SYT3: variants seen among roughly 807,000 people sequenced by gnomAD.
SYT3 encodes synaptotagmin-3.
In SYT3, 25 loss-of-function variants were observed where a neutral mutation model predicts 50.6. The observed-to-expected ratio is 0.49, with a 90% CI of 0.36 to 0.69. The LOEUF is 0.69. SYT3 is among the 30% of genes least tolerant of loss of function. SYT3 has a pLI of 0.00. For synonymous variants in SYT3, 323 were observed against 353.9 expected (o/e 0.91, Z 0.98); for missense variants, 589 against 793.6 (o/e 0.74, Z 3.10).
Position 50,629,372 on chromosome 19 carries a change from C to G in SYT3, c.1203G>C (p.Val401=), listed in dbSNP as rs757561373. ...CCAGCTCCAGGAGGTTGTCCAGCAC[C>G]ACCTGGCCGATGAGGTCGTGCCGCG... ...RFSRHDLIGQ[V]VLDNLLELAE... Residue 401 remains valine (V), a synonymous_variant, in exon 6 of 11, where the codon GTG becomes GTC. Coordinates refer to ENST00000600079, the MANE Select transcript of SYT3 (RefSeq NM_001160329.2). 6.2e-7 allele frequency: 1 copy of G among 1,613,880 alleles called. No homozygotes were observed. The highest frequency in any genetic ancestry group is 8.5e-7 in the Non-Finnish European group (1 of 1,179,894).
At chr19:50,644,508 T>C (rs749248419), upstream of SYT3, among the ~76,000 whole-genome samples, 23 of 151,060 alleles carry the variant, frequency 1.5e-4, no homozygotes, top group Non-Finnish European at 2.7e-4. Flanking sequence ...TGGATGGATG[T>C]TGGAGGAATA....
upstream of SYT3, among the ~76,000 whole-genome samples, chr19:50,643,269 G>A (rs183629462): frequency 6.6e-6 from 1 of 152,116 alleles, no homozygotes; most frequent in Non-Finnish European, 1.5e-5. Flanking sequence ...TGCTTGGGGG[G>A]AGGCTGAGGT....
the SYT3 span, among the ~76,000 whole-genome samples, chr19:50,654,940 G>C: frequency 6.6e-6 from 1 of 152,234 alleles, no homozygotes; most frequent in Non-Finnish European, 1.5e-5. Flanking sequence ...AGAGATAAGA[G>C]TTCCTCCCAT....
chr19:50,625,666 G>A lies in SYT3; in HGVS notation c.1403-102C>T, dbSNP rs2122998614. 10 of 1,436,360 alleles carry A rather than the reference G, an allele frequency of 7.0e-6. No individual in the cohort carries two copies. Among genetic ancestry groups the A allele is most frequent in the Admixed American group, 2.8e-5 (1 of 36,054 alleles). 89.0% of individuals were successfully genotyped at this position (1,436,360 alleles called of 1,614,324 possible). On this transcript the variant is annotated intron_variant, in intron 7 of 10. Transcript: ENST00000600079. This position sits in a 1 kb window ranked among gnomAD's most constrained non-coding sequence, Gnocchi z 7.5. ...CCTCCTCCCTCAGACCCAGAGGTCC[G>A]GGGCCCCAGGCCCCCAGTCCCTCCT...
At chr19:50,652,039 A>G in the SYT3 span, among the ~76,000 whole-genome samples, 1 of 152,146 alleles carries the variant, frequency 6.6e-6, no homozygotes, top group Non-Finnish European at 1.5e-5. Flanking sequence ...GCTGGCATGA[A>G]TTGACACCAT....
At chr19:50,656,361 G>C in the SYT3 span, 2 of 1,529,202 alleles carry the variant, frequency 1.3e-6, no homozygotes, top group Non-Finnish European at 1.8e-6. Flanking sequence ...GTGGACCTGT[G>C]CCCTTATTTT....
At chr19:50,626,644 A>G (rs1411904300) in intron 6 of SYT3, among the ~76,000 whole-genome samples, 5 of 128,850 alleles carry the variant, frequency 3.9e-5, no homozygotes, top group African/African-American at 1.2e-4. Context: ...CAGAGAGAGA[A>G]AGGGGCAGAG....
At chr19:50,626,510 G>C (rs1003927221) in intron 6 of SYT3, among the ~76,000 whole-genome samples, 10 of 143,638 alleles carry the variant, frequency 7.0e-5, no homozygotes, top group Non-Finnish European at 1.4e-4. Flanking sequence ...GAGAGGGGGG[G>C]GGACAGAGAC....
At chr19:50,642,298 T>C (rs984855916), upstream of SYT3, among the ~76,000 whole-genome samples, 1 of 152,218 alleles carries the variant, frequency 6.6e-6, no homozygotes, top group African/African-American at 2.4e-5. Context: ...CACTCAGAGA[T>C]GGGCACACAG....
chr19:50,648,388 T>A, the SYT3 span, among the ~76,000 whole-genome samples: 1 of 151,346 alleles, frequency 6.6e-6, no homozygotes, highest in Admixed American at 6.6e-5. Flanking sequence ...CCAGAGACCA[T>A]CTGGATGTGG....
chr19:50,637,323 T>C lies in SYT3; in HGVS notation c.89A>G (p.Asn30Ser), dbSNP rs1297547307. 6.2e-7 allele frequency: 1 copy of C among 1,613,002 alleles called. No individual in the cohort carries two copies. The change falls in exon 3 of 11, where the codon AAC becomes AGC. Residue 30 changes from asparagine (N) to serine (S), a missense_variant. Asn to Ser is a conservative substitution (Grantham distance 46). This residue lies in a region of SYT3 where 316 missense variants were observed against 354.3 expected (regional missense o/e 0.89). Transcript: ENST00000600079. This position sits in a 1 kb window ranked among gnomAD's most constrained non-coding sequence, Gnocchi z 4.9. ...GTCATTGAACTCCTGGCACCTGTCG[T>C]TGGTGTCAGCATCTCGGACCCGCGC... ...LCARVRDADT[N>S]DRCQEFNDRI...
chr19:50,633,756 T>C (rs1984402788), intron 3 of SYT3, among the ~76,000 whole-genome samples: 1 of 152,098 alleles, frequency 6.6e-6, no homozygotes, highest in Non-Finnish European at 1.5e-5. Flanking sequence ...AGAGATCAGG[T>C]TATTTAAGCC....
At chr19:50,636,127 G>T (rs1257695864) in intron 3 of SYT3, among the ~76,000 whole-genome samples, 1 of 152,068 alleles carries the variant, frequency 6.6e-6, no homozygotes, top group Non-Finnish European at 1.5e-5. Flanking sequence ...GGTGGCAGAC[G>T]CCTGTAATCC....
the SYT3 span, among the ~76,000 whole-genome samples, chr19:50,656,755 T>C: frequency 1.3e-5 from 2 of 152,004 alleles, no homozygotes; most frequent in African/African-American, 4.8e-5. Context: ...AGTTTGAGAC[T>C]AGCCTGGCTA....
chr19:50,656,935 A>G, the SYT3 span, among the ~76,000 whole-genome samples: 73,702 of 147,720 alleles, frequency 0.5, 21,044 homozygotes, highest in African/African-American at 0.79. Flanking sequence ...CTGGGTGACA[A>G]AGTGAGACTC....
At chr19:50,656,185 C>T in the SYT3 span, 1 of 1,535,994 alleles carries the variant, frequency 6.5e-7, no homozygotes, top group Non-Finnish European at 8.7e-7. Context: ...TGGCAGTGAA[C>T]CCTGACCTCA....
rs747911967 is a variant in SYT3 at position 50,630,180 on chromosome 19, G to T, written c.675-9C>A. The T allele has an allele frequency of 6.6e-7, 1 of 1,514,774 alleles. No individual in the cohort carries two copies. The highest frequency in any genetic ancestry group is 8.8e-7 in the Non-Finnish European group (1 of 1,132,712). 93.8% of individuals were successfully genotyped at this position (1,514,774 alleles called of 1,614,324 possible). A position where few individuals can be genotyped will look rare whatever the true frequency, so the allele number is the denominator to read the frequency against. The stretch of plus-strand genomic sequence containing the variant: ...GGGGCAGGGCTGGGTACCTGTAGGG[G>T]GTTGGGGGGAGACCAAGGTGAGGTC... On this transcript the variant is annotated splice_polypyrimidine_tract_variant and intron_variant, in intron 4 of 10. Coordinates refer to ENST00000600079, the MANE Select transcript of SYT3 (RefSeq NM_001160329.2).
Position 50,637,287 on chromosome 19 carries a change from C to A in SYT3, c.125G>T (p.Gly42Val). Residue 42 changes from glycine to valine, a missense_variant, in exon 3 of 11, where the codon GGC becomes GTC. By Grantham distance (109) the Gly-to-Val change is moderately radical (BLOSUM62 -3). Coordinates refer to ENST00000600079, the MANE Select transcript of SYT3 (RefSeq NM_001160329.2). The surrounding 1 kb of genome is among the most constrained non-coding windows in gnomAD (Gnocchi z 4.9). ...RCQEFNDRIR[G>V]YPRGPDADIS... ...ACCTGCATCTGGACCCCGGGGATAG[C>A]CTCGGATTCGGTCATTGAACTCCTG... is the stretch of plus-strand genomic sequence containing the variant. 1 of 1,613,380 alleles carries A rather than the reference C, an allele frequency of 6.2e-7. No homozygotes were observed. Among genetic ancestry groups the A allele is most frequent in the Non-Finnish European group, 8.5e-7 (1 of 1,179,872 alleles).
At chr19:50,626,099 CT>C in intron 6 of SYT3, 82 bp from the exon 7 acceptor site, 2 of 1,517,034 alleles carry the variant, frequency 1.3e-6, no homozygotes, top group Non-Finnish European at 8.9e-7. Context: ...TCGGAGCCTC[CT>C]GCTTTACACC....
Sources: allele counts gnomAD v4.1 joint callset (sites outside exome capture counted in the v4.1 genomes callset), GRCh38; gene constraint gnomAD v4.1.1; regional missense constraint gnomAD v4.1.1; non-coding constraint Gnocchi (gnomAD v3.1); transcripts MANE v1.5; gene names NCBI Gene and HGNC (gene_info 2026-07-23, HGNC 2026-07-21).